KBTBD11: variants seen among roughly 807,000 people sequenced by gnomAD.
KBTBD11 encodes the protein kelch repeat and BTB domain containing 11, also known as kelch repeat and BTB domain-containing protein 11.
For missense variants in KBTBD11, 1,390 were observed against 1,001.8 expected (o/e 1.39, Z -5.23); for synonymous variants, 747 against 499.0 (o/e 1.50, Z -6.63).
intron 1 of KBTBD11, among the ~76,000 whole-genome samples, chr8:1,985,463 G>A (rs1437346086): frequency 6.6e-6 from 1 of 152,286 alleles, no homozygotes; most frequent in African/African-American, 2.4e-5. Context: ...CCACAGCAGC[G>A]TCTGTCCTGG....
chr8:1,989,404 C>T (rs557160860), intron 1 of KBTBD11, among the ~76,000 whole-genome samples: 1 of 152,298 alleles, frequency 6.6e-6, no homozygotes, highest in South Asian at 2.1e-4. Flanking sequence ...GGACAGGCGC[C>T]AGCGGCTCCC....
chr8:1,985,486 G>A (rs576870165), intron 1 of KBTBD11, among the ~76,000 whole-genome samples: 1 of 152,390 alleles, frequency 6.6e-6, no homozygotes, highest in South Asian at 2.1e-4. Context: ...CCCGGCGCCC[G>A]GCAAGCCACA....
At chr8:1,974,208 C>T in intron 1 of KBTBD11, 1 of 855,138 alleles carries the variant, frequency 1.2e-6, no homozygotes, top group Non-Finnish European at 1.4e-6. Flanking sequence ...GTGGTCTCCG[C>T]TCCGCCTCCG....
intron 1 of KBTBD11, chr8:1,974,764 A>C: frequency 1.1e-6 from 1 of 922,458 alleles, no homozygotes; most frequent in Non-Finnish European, 1.3e-6. Flanking sequence ...GGGTGAACCA[A>C]AGTCCCTCCA....
intron 1 of KBTBD11, among the ~76,000 whole-genome samples, chr8:1,992,799 C>A (rs534890992): frequency 6.6e-6 from 1 of 152,134 alleles, no homozygotes; most frequent in African/African-American, 2.4e-5. Flanking sequence ...TGTAATCCAA[C>A]ATCCAGATAT....
chr8:1,994,752 C>T (rs1817068484), intron 1 of KBTBD11, among the ~76,000 whole-genome samples: 1 of 152,002 alleles, frequency 6.6e-6, no homozygotes, highest in Non-Finnish European at 1.5e-5. Flanking sequence ...CTTAGGATGC[C>T]CTTCATAAAA....
chr8:1,995,439 C>G (rs914811036), intron 1 of KBTBD11, among the ~76,000 whole-genome samples: 1 of 152,144 alleles, frequency 6.6e-6, no homozygotes, highest in Non-Finnish European at 1.5e-5. Flanking sequence ...GTGGTGTTTC[C>G]TCCTGGCTAG....
At chr8:1,992,795 C>A (rs1036150306) in intron 1 of KBTBD11, among the ~76,000 whole-genome samples, 1 of 151,970 alleles carries the variant, frequency 6.6e-6, no homozygotes, top group Non-Finnish European at 1.5e-5. Context: ...TAGCTGTAAT[C>A]CAACATCCAG....
At chr8:1,974,524 G>A in intron 1 of KBTBD11, 1 of 985,120 alleles carries the variant, frequency 1.0e-6, no homozygotes, top group Non-Finnish European at 1.2e-6. Flanking sequence ...GGGGAGCGCG[G>A]CCCTTGGTCC....
At chr8:1,984,924 C>T (rs1816662094) in intron 1 of KBTBD11, among the ~76,000 whole-genome samples, 1 of 152,214 alleles carries the variant, frequency 6.6e-6, no homozygotes, top group Non-Finnish European at 1.5e-5. Flanking sequence ...CAAAGCCCAA[C>T]ATAAGGGTGT....
chr8:1,993,959 A>ACACACACACAC (rs1554527405), intron 1 of KBTBD11, among the ~76,000 whole-genome samples: 35 of 150,028 alleles, frequency 2.3e-4, no homozygotes, highest in Middle Eastern at 3.4e-3. Flanking sequence ...ACACACACAC[A>ACACACACACAC]AAACCCCATA....
At chr8:1,984,511 T>G (rs1249965315) in intron 1 of KBTBD11, among the ~76,000 whole-genome samples, 1 of 151,928 alleles carries the variant, frequency 6.6e-6, no homozygotes, top group Non-Finnish European at 1.5e-5. Flanking sequence ...ATGGTCTCAG[T>G]TTCCTGACCT....
intron 1 of KBTBD11, among the ~76,000 whole-genome samples, chr8:1,981,540 C>T (rs978961401): frequency 2.6e-5 from 4 of 152,092 alleles, no homozygotes; most frequent in African/African-American, 9.7e-5. Flanking sequence ...CCCAATAGCT[C>T]GTAAAGTATT....
chr8:2,001,025 T>TC lies in KBTBD11; in HGVS notation c.-162dup. Reference sequence around the variant, plus strand: ...GAGGCGGGGGAGCAGCGTGTGAGATTCCCCCCTTCACACACACAACAACAA... The same window carrying TC: ...GAGGCGGGGGAGCAGCGTGTGAGATTCCCCCCCTTCACACACACAACAACAA... On this transcript the variant is annotated 5_prime_UTR_variant, in exon 2 of 2. An upstream open reading frame in the 5' UTR gains an earlier in-frame stop. Coordinates refer to ENST00000320248, the MANE Select transcript of KBTBD11 (RefSeq NM_014867.3). 1.1e-6 allele frequency: 1 copy of TC among 910,300 alleles called. No homozygotes were observed. The highest frequency in any genetic ancestry group is 1.4e-6 in the Non-Finnish European group (1 of 699,742). 56.4% of individuals were successfully genotyped at this position (910,300 alleles called of 1,614,324 possible).
chr8:1,987,748 T>TATTATA, intron 1 of KBTBD11, among the ~76,000 whole-genome samples: 1 of 151,862 alleles, frequency 6.6e-6, no homozygotes, highest in East Asian at 1.9e-4. Context: ...TTATTATTAT[T>TATTATA]ATACTTTAAG....
chr8:1,993,004 C>G (rs962551380), intron 1 of KBTBD11, among the ~76,000 whole-genome samples: 3 of 152,096 alleles, frequency 2.0e-5, no homozygotes, highest in Non-Finnish European at 4.4e-5. Context: ...GTGGCATGAT[C>G]TTGACTCACT....
rs57317862 is a variant in KBTBD11 at position 1,993,922 on chromosome 8, T to TACACACACACACACACACACAC, written c.-908-6347_-908-6326dup. 1.7e-3 allele frequency among the ~76,000 whole-genome samples: 238 copies of TACACACACACACACACACACAC among 139,752 alleles called. 2 individuals are homozygous for TACACACACACACACACACACAC. Among genetic ancestry groups the TACACACACACACACACACACAC allele is most frequent in the South Asian group, 7.9e-3 (32 of 4,048 alleles). 91.7% of individuals were successfully genotyped at this position (139,752 alleles called of 152,430 possible). On this transcript the variant is annotated intron_variant, in intron 1 of 1. Transcript: ENST00000320248. The stretch of plus-strand genomic sequence containing the variant: ...CAATATATGAATACACAATACCCCC[T>TACACACACACACACACACACAC]ACACACACACACACACACACACACA...
intron 1 of KBTBD11, among the ~76,000 whole-genome samples, chr8:1,989,445 G>T (rs572460736): frequency 2.0e-5 from 3 of 152,162 alleles, no homozygotes; most frequent in African/African-American, 7.2e-5. Context: ...CAAGTTGACC[G>T]CACACTTCTG....
intron 1 of KBTBD11, among the ~76,000 whole-genome samples, chr8:1,987,024 A>C (rs1451707239): frequency 2.1e-5 from 3 of 141,752 alleles, no homozygotes; most frequent in Non-Finnish European, 4.8e-5. Context: ...AAAAAAAAAA[A>C]AAAAAAAAAC....
Sources: allele counts gnomAD v4.1 joint callset (sites outside exome capture counted in the v4.1 genomes callset), GRCh38; gene constraint gnomAD v4.1.1; transcripts MANE v1.5; gene names NCBI Gene and HGNC (gene_info 2026-07-23, HGNC 2026-07-21).